PBX1: variants seen among roughly 807,000 people sequenced by gnomAD.
PBX1 encodes the protein PBX homeobox 1.
PBX1 carries 6 observed loss-of-function variants against 53.4 expected under a neutral mutation model. The observed-to-expected ratio is 0.11, with a 90% CI of 0.06 to 0.22. The LOEUF (loss-of-function observed/expected upper bound fraction) is 0.22. Among genes scored for constraint, PBX1 ranks in the 10% least tolerant of loss-of-function variants. PBX1 has a pLI of 1.00. For missense variants in PBX1, 251 were observed against 551.4 expected, an observed-to-expected ratio of 0.46 and a Z score of 5.46; for synonymous variants, 204 against 212.3, an observed-to-expected ratio of 0.96 and a Z score of 0.34.
rs557616465 is a variant in PBX1, at chr1:164,596,964, G to A, written c.265+33653G>A. The stretch of plus-strand genomic sequence containing the variant: ...CCACACCACAGGTAAGTGGTACAGC[G>A]TGGATATGAGACTCAGTCTCCTGAA... On this transcript the variant is annotated intron_variant, in intron 2 of 8. Transcript: ENST00000420696. Among the ~76,000 whole-genome samples the A allele has an allele frequency of 7.9e-5, 12 of 152,174 alleles. 1 individual carries two copies. The South Asian group carries it at 2.3e-3, about 29-fold the overall frequency.
intron 2 of PBX1, among the ~76,000 whole-genome samples, chr1:164,688,938 T>C (rs1662287585): frequency 6.6e-6 from 1 of 152,234 alleles, no homozygotes; most frequent in Non-Finnish European, 1.5e-5. Context: ...CCGTCTTGCC[T>C]CATCCCTGCT....
At chr1:164,795,105 C>G (rs1054679018) in intron 3 of PBX1, among the ~76,000 whole-genome samples, 1 of 152,116 alleles carries the variant, frequency 6.6e-6, no homozygotes, top group Non-Finnish European at 1.5e-5. Context: ...CTCCTCAAGG[C>G]AATTTTGAGA....
intron 2 of PBX1, among the ~76,000 whole-genome samples, chr1:164,756,986 A>C (rs913177780): frequency 7.9e-5 from 12 of 152,148 alleles, no homozygotes; most frequent in African/African-American, 2.9e-4. Context: ...TAGGGAAGGG[A>C]GTTGGGAGCT....
chr1:164,828,211 A>C (rs1171439187), intron 8 of PBX1, among the ~76,000 whole-genome samples: 1 of 152,138 alleles, frequency 6.6e-6, no homozygotes, highest in African/African-American at 2.4e-5. Context: ...TATGATCTTA[A>C]ACCTAGTGAT....
chr1:164,587,923 C>T (rs1416031026), intron 2 of PBX1, among the ~76,000 whole-genome samples: 1 of 152,170 alleles, frequency 6.6e-6, no homozygotes, highest in Non-Finnish European at 1.5e-5. Flanking sequence ...ACTGAAGTCC[C>T]ATTTTTATAT....
intron 2 of PBX1, among the ~76,000 whole-genome samples, chr1:164,703,943 T>C (rs544237156): frequency 6.6e-6 from 1 of 152,154 alleles, no homozygotes; most frequent in Non-Finnish European, 1.5e-5. Context: ...CAGCCCTGAA[T>C]TGCATTTGAA....
In PBX1 at chr1:164,652,781, C is replaced by T. The variant is rs141591868; in HGVS notation, c.265+89470C>T. Among the ~76,000 whole-genome samples the T allele has an allele frequency of 7.4e-4, 112 of 152,138 alleles. 1 individual carries two copies. In the East Asian group the frequency reaches 0.019, roughly 26 times the overall value. ...GTAAATATACTCATGTAACCAACAC[C>T]CCTTTATCACCCTGGAAAGTTTCTT... On this transcript the variant is annotated intron_variant, in intron 2 of 8. Transcript: ENST00000420696.
chr1:164,823,349 G>T (rs930959121), intron 8 of PBX1, among the ~76,000 whole-genome samples: 1 of 152,088 alleles, frequency 6.6e-6, no homozygotes, highest in African/African-American at 2.4e-5. Context: ...CTGAGTGCAG[G>T]TTTATACACA....
intron 2 of PBX1, among the ~76,000 whole-genome samples, chr1:164,879,443 GC>G (rs1405997800): frequency 6.6e-6 from 1 of 152,166 alleles, no homozygotes; most frequent in Non-Finnish European, 1.5e-5. Flanking sequence ...GTGAGCAACC[GC>G]TAAAACAGAG....
At chr1:164,764,520 G>C (rs1041655226) in intron 2 of PBX1, among the ~76,000 whole-genome samples, 1 of 152,086 alleles carries the variant, frequency 6.6e-6, no homozygotes, top group African/African-American at 2.4e-5. Flanking sequence ...GAGCTCTGCT[G>C]GTCTCTTCAG....
At chr1:164,870,707 C>G (rs932334466) in intron 2 of PBX1, among the ~76,000 whole-genome samples, 1 of 152,166 alleles carries the variant, frequency 6.6e-6, no homozygotes, top group Admixed American at 6.6e-5. Flanking sequence ...TCTAACATTT[C>G]TCTAGCTCTA....
intron 2 of PBX1, among the ~76,000 whole-genome samples, chr1:164,637,964 A>T (rs1055343105): frequency 2.6e-5 from 4 of 152,182 alleles, no homozygotes; most frequent in Non-Finnish European, 5.9e-5. Context: ...CACCAAAGGG[A>T]TACTTTCTGA....
chr1:164,768,482 C>T (rs116620087), intron 2 of PBX1, among the ~76,000 whole-genome samples: 1,690 of 152,322 alleles, frequency 0.011, 25 homozygotes, highest in African/African-American at 0.039. Flanking sequence ...CTCATGGAGG[C>T]TGAGCACTGC....
At chr1:164,774,099 G>T (rs796770211) in intron 2 of PBX1, among the ~76,000 whole-genome samples, 28 of 152,318 alleles carry the variant, frequency 1.8e-4, no homozygotes, top group African/African-American at 6.7e-4. Flanking sequence ...TTGTTGAATT[G>T]TTTTACATAG....
intron 2 of PBX1, chr1:164,674,857 C>CA (rs1661336913): frequency 2.3e-5 from 2 of 88,284 alleles, no homozygotes; most frequent in African/African-American, 3.6e-5. Flanking sequence ...GCCCCCCCCC[C>CA]CCCCCACCCA....
intron 8 of PBX1, among the ~76,000 whole-genome samples, chr1:164,842,045 A>C (rs950730844): frequency 1.3e-5 from 2 of 152,192 alleles, no homozygotes; most frequent in Non-Finnish European, 2.9e-5. Context: ...AATTCTCTGC[A>C]TCAACCGTGT....
chr1:164,756,576 G>A (rs1189731367), intron 2 of PBX1, among the ~76,000 whole-genome samples: 1 of 152,060 alleles, frequency 6.6e-6, no homozygotes, highest in Non-Finnish European at 1.5e-5. Flanking sequence ...AGAAGAAAAA[G>A]GCATCACATA....
intron 2 of PBX1, chr1:164,703,169 C>G (rs1023740089): frequency 2.0e-5 from 3 of 152,124 alleles, no homozygotes; most frequent in Non-Finnish European, 4.4e-5. Flanking sequence ...TCTCTGCTCC[C>G]AAGAGGTGAT....
chr1:164,617,991 A>T (rs1171209508), intron 2 of PBX1, among the ~76,000 whole-genome samples: 2 of 152,038 alleles, frequency 1.3e-5, no homozygotes, highest in Non-Finnish European at 2.9e-5. Flanking sequence ...TAGAACCCAG[A>T]TCTCTGGCCC....
Sources: gnomAD v4.1 joint callset for allele counts (sites outside exome capture counted in the v4.1 genomes callset) on GRCh38, gnomAD v4.1.1 for gene constraint, MANE v1.5 for transcripts, NCBI Gene and HGNC (gene_info 2026-07-23, HGNC 2026-07-21) for gene names.